RGPD4: variants seen among roughly 807,000 people sequenced by gnomAD.
RGPD4 encodes the protein ranBP2-like and GRIP domain-containing protein 4.
A neutral mutation model predicts 141.1 loss-of-function variants in RGPD4; 84 were observed. The ratio of observed to expected loss-of-function variants is 0.60; its 90% CI spans 0.50 to 0.71. The LOEUF is 0.71. Among genes scored for constraint, RGPD4 ranks in the 30% least tolerant of loss-of-function variants. RGPD4 has a pLI of 0.00. For missense variants in RGPD4, 918 were observed against 1,622.4 expected, an observed-to-expected ratio of 0.57 and a Z score of 7.46; for synonymous variants, 298 against 566.8, an observed-to-expected ratio of 0.53 and a Z score of 6.74.
chr2:107,840,921 C>T (rs1368520434), intron 4 of RGPD4, among the ~76,000 whole-genome samples: 1 of 68,916 alleles, frequency 1.5e-5, no homozygotes, highest in East Asian at 2.4e-4. Context: ...CCAGCCTTAA[C>T]CATTCACTTT....
Position 107,849,381 on chromosome 2 carries a change from T to TTTTTTG in RGPD4, c.978+848_978+849insTTGTTT, listed in dbSNP as rs1573484212. 3.7e-5 allele frequency among the ~76,000 whole-genome samples: 4 copies of TTTTTTG among 107,560 alleles called. No homozygotes were observed. The East Asian group carries it at 9.8e-4, about 26-fold the overall frequency. 70.6% of individuals were successfully genotyped at this position (107,560 alleles called of 152,430 possible). A position where few individuals can be genotyped will look rare whatever the true frequency, so the allele number is the denominator to read the frequency against. On this transcript the variant is annotated intron_variant, in intron 7 of 22. Transcript: ENST00000408999. ...CCTGGCCTTTTTTTTTTTTTTTTTT[T>TTTTTTG]TTTGAGACGGAGTCTCGCTCTGTCG...
chr2:107,885,792 A>T (rs2104521238), intron 22 of RGPD4, among the ~76,000 whole-genome samples: 1 of 152,096 alleles, frequency 6.6e-6, no homozygotes. Context: ...GGTGGCTCAC[A>T]CCTGTAATCC....
chr2:107,857,163 G>C (rs1682350919), intron 9 of RGPD4, among the ~76,000 whole-genome samples, 194 bp downstream of exon 9: 1 of 146,650 alleles, frequency 6.8e-6, no homozygotes, highest in East Asian at 2.0e-4. Flanking sequence ...TTGAGACCAA[G>C]TTTTGCTCTT....
rs1013328820 is a variant in RGPD4 at position 107,885,121 on chromosome 2, A to G, written c.5266+2248A>G. On this transcript the variant is annotated intron_variant, in intron 22 of 22. Transcript: ENST00000408999. ...GGGCCCAAATAAGAATACATCATGT[A>G]TATTTTTAGTAGTTATTCAGATTAC... 3.3e-5 allele frequency among the ~76,000 whole-genome samples: 5 copies of G among 152,222 alleles called. No individual in the cohort carries two copies. In the South Asian group the frequency reaches 6.2e-4, roughly 19 times the overall value.
intron 6 of RGPD4, among the ~76,000 whole-genome samples, chr2:107,846,072 T>G (rs7569249): frequency 0.73 from 69,262 of 94,456 alleles, 26,045 homozygotes; most frequent in African/African-American, 0.87. Context: ...GCCTACAGGT[T>G]CCTGCCACCA....
At chr2:107,890,641 A>C (rs1675632441) in intron 22 of RGPD4, 80 bp from the exon 23 acceptor site, 4 of 917,966 alleles carry the variant, frequency 4.4e-6, no homozygotes, top group Non-Finnish European at 6.1e-6. Context: ...TATATTGTAG[A>C]GTGGTTCTAA....
rs765904511 is a variant in RGPD4, at chr2:107,871,280, C to T, written c.3276C>T (p.Val1092=). The T allele has an allele frequency of 2.3e-5, 37 of 1,607,276 alleles. No homozygotes were observed. Among genetic ancestry groups the T allele is most frequent in the Non-Finnish European group, 2.8e-5 (33 of 1,179,272 alleles). ...LGNLKILKNE[V]NGKPRMLMRR... Reference sequence around the variant, plus strand: ...ACTTAAAAATTCTCAAAAACGAGGTCAATGGCAAACCAAGAATGCTGATGC... The same window carrying T: ...ACTTAAAAATTCTCAAAAACGAGGTTAATGGCAAACCAAGAATGCTGATGC... The change falls in exon 20 of 23, where the codon GTC becomes GTT. Residue 1092 remains valine, a synonymous_variant. Coordinates refer to ENST00000408999, the MANE Select transcript of RGPD4 (RefSeq NM_182588.3).
At chr2:107,878,466 T>C (rs201357105) in intron 20 of RGPD4, among the ~76,000 whole-genome samples, 13 of 151,676 alleles carry the variant, frequency 8.6e-5, no homozygotes, top group East Asian at 5.8e-4. Flanking sequence ...AGCTGCTTAA[T>C]TCTCCCGAAA....
intron 22 of RGPD4, among the ~76,000 whole-genome samples, chr2:107,888,440 C>T (rs1019851967): frequency 1.3e-5 from 2 of 151,150 alleles, no homozygotes; most frequent in African/African-American, 2.4e-5. Context: ...ACAAGGTTAC[C>T]TCACTTGGAA....
At chr2:107,886,903 G>A (rs1425155568) in intron 22 of RGPD4, among the ~76,000 whole-genome samples, 1 of 151,512 alleles carries the variant, frequency 6.6e-6, no homozygotes, top group Non-Finnish European at 1.5e-5. Context: ...ATTAGTGGAT[G>A]GTGAAATTAA....
At chr2:107,835,664 G>A (rs1263929091) in intron 1 of RGPD4, among the ~76,000 whole-genome samples, 27 of 145,268 alleles carry the variant, frequency 1.9e-4, no homozygotes, top group African/African-American at 6.6e-4. Flanking sequence ...GGTTTCTTTT[G>A]TTTGTTAAGT....
intron 6 of RGPD4, among the ~76,000 whole-genome samples, chr2:107,845,610 T>C (rs1341841676): frequency 6.6e-6 from 1 of 152,266 alleles, no homozygotes; most frequent in African/African-American, 2.4e-5. Flanking sequence ...GTCAGATCAG[T>C]TAATCAGGAC....
chr2:107,830,341 C>A (rs1271933374), intron 1 of RGPD4, among the ~76,000 whole-genome samples: 7 of 63,258 alleles, frequency 1.1e-4, no homozygotes, highest in African/African-American at 9.8e-5. Flanking sequence ...TTTAAACAAG[C>A]TTAAAAAAAA....
rs1244432490 is a variant in RGPD4 at position 107,837,608 on chromosome 2, C to CT, written c.141-644dup. On this transcript the variant is annotated intron_variant, in intron 2 of 22. Transcript: ENST00000408999. ...GCACTGTGACTGTTAACTCTTGTAC[C>CT]TTTTTACCGTGAGACTTTAATCCCT... 1.7e-4 allele frequency among the ~76,000 whole-genome samples: 8 copies of CT among 48,400 alleles called. 3 individuals are homozygous for CT. In the East Asian group the frequency reaches 2.0e-3, roughly 12 times the overall value. 31.8% of individuals were successfully genotyped at this position (48,400 alleles called of 152,430 possible). A position where few individuals can be genotyped will look rare whatever the true frequency, so the allele number is the denominator to read the frequency against.
At chr2:107,834,188 A>C (rs1573465612) in intron 1 of RGPD4, among the ~76,000 whole-genome samples, 1 of 151,370 alleles carries the variant, frequency 6.6e-6, no homozygotes, top group Admixed American at 6.6e-5. Flanking sequence ...TAATTTAAGC[A>C]TACAAGTCTC....
intron 20 of RGPD4, among the ~76,000 whole-genome samples, chr2:107,873,798 T>C (rs1338151244): frequency 6.6e-6 from 1 of 151,216 alleles, no homozygotes; most frequent in Non-Finnish European, 1.5e-5. Flanking sequence ...ATATTCTTTA[T>C]TTTCTAGGAT....
chr2:107,858,376 C>T (rs867514760), intron 9 of RGPD4, among the ~76,000 whole-genome samples: 2 of 151,792 alleles, frequency 1.3e-5, no homozygotes, highest in South Asian at 2.1e-4. Flanking sequence ...TATACCTCTT[C>T]ATGCTTCCAG....
At chr2:107,832,107 C>A (rs1363932525) in intron 1 of RGPD4, among the ~76,000 whole-genome samples, 1 of 151,512 alleles carries the variant, frequency 6.6e-6, no homozygotes, top group African/African-American at 2.4e-5. Context: ...TGTGTTACTA[C>A]TTGCTTACTT....
Position 107,840,868 on chromosome 2 carries a change from T to A in RGPD4, c.405+1904T>A, listed in dbSNP as rs1446722311. Among the ~76,000 whole-genome samples, 7 of 70,112 alleles carry A rather than the reference T, an allele frequency of 1.0e-4. 2 individuals carry two copies. Among genetic ancestry groups the A allele is most frequent in the Admixed American group, 5.6e-4 (5 of 8,970 alleles). The allele number at this position is 70,112 out of a possible 152,430, so 46.0% of individuals were successfully genotyped here. Reference sequence around the variant, plus strand: ...GGATTCTCAGGTGATCCACCCACTTTGGCCTCCCAAAGTGCTGGGATTACA... The same window carrying A: ...GGATTCTCAGGTGATCCACCCACTTAGGCCTCCCAAAGTGCTGGGATTACA... On this transcript the variant is annotated intron_variant, in intron 4 of 22. Coordinates refer to ENST00000408999, the MANE Select transcript of RGPD4 (RefSeq NM_182588.3).
Sources: gnomAD v4.1 joint callset for allele counts (sites outside exome capture counted in the v4.1 genomes callset) on GRCh38, gnomAD v4.1.1 for gene constraint, MANE v1.5 for transcripts, NCBI Gene and HGNC (gene_info 2026-07-23, HGNC 2026-07-21) for gene names.